The following SEMA5B variants were observed in gnomAD, a reference collection of about 807,000 sequenced individuals.
SEMA5B encodes the protein semaphorin-5B.
A neutral mutation model predicts 135.0 loss-of-function variants in SEMA5B; 66 were observed. The observed-to-expected ratio is 0.49, with a 90% CI of 0.40 to 0.60. The LOEUF is 0.60. Ranked by LOEUF, SEMA5B falls within the 20% of genes least tolerant of loss-of-function variation. The pLI, the probability that SEMA5B is intolerant of heterozygous loss-of-function variation, is 0.00. For missense variants in SEMA5B, 1,501 were observed against 1,566.3 expected (o/e 0.96, Z 0.70); for synonymous variants, 690 against 639.5 (o/e 1.08, Z -1.19).
intron 1 of SEMA5B, among the ~76,000 whole-genome samples, chr3:122,970,797 C>A (rs143142746): frequency 2.6e-5 from 4 of 152,194 alleles, no homozygotes; most frequent in Admixed American, 2.6e-4. Context: ...AATTCTGGGA[C>A]GGAAATCTAC....
chr3:122,921,062 G>A (rs11915592), intron 12 of SEMA5B, among the ~76,000 whole-genome samples: 77,399 of 151,936 alleles, frequency 0.51, 22,656 homozygotes, highest in Non-Finnish European at 0.67. Flanking sequence ...GCCCAGCTCC[G>A]AGCACACCCC....
intron 1 of SEMA5B, among the ~76,000 whole-genome samples, chr3:122,965,043 G>A (rs1940759010): frequency 6.6e-6 from 1 of 152,112 alleles, no homozygotes; most frequent in Non-Finnish European, 1.5e-5. Flanking sequence ...AGGACAGTAG[G>A]GTAGCTTTGT....
chr3:122,999,163 A>G (rs939076055), intron 1 of SEMA5B, among the ~76,000 whole-genome samples: 4 of 152,340 alleles, frequency 2.6e-5, no homozygotes, highest in Middle Eastern at 6.8e-3. Flanking sequence ...CATTTCCCAA[A>G]GCAGTAATTT....
intron 1 of SEMA5B, among the ~76,000 whole-genome samples, chr3:122,981,333 C>T (rs1289640230): frequency 7.9e-5 from 12 of 152,234 alleles, no homozygotes; most frequent in Non-Finnish European, 5.9e-5. Context: ...GACTGGGCAC[C>T]CCACTTTGGG....
Position 122,913,966 on chromosome 3 carries a change from A to G in SEMA5B, c.2024T>C (p.Leu675Pro). ...GCCGATGCCACAGGACGTGCTGCAC[A>G]GCGCCCACGATGACCACGGGGTCCA... ...GAWTPWSSWALCSTSCGIGFQ... is the reference protein window; with the variant it reads ...GAWTPWSSWAPCSTSCGIGFQ... Residue 675 changes from leucine to proline, a missense_variant, in exon 15 of 23, where the codon CTG (leucine) becomes CCG (proline). Coordinates refer to ENST00000357599, the MANE Select transcript of SEMA5B (RefSeq NM_001031702.4). 1 of 1,609,538 alleles carries G rather than the reference A, an allele frequency of 6.2e-7. No individual in the cohort carries two copies. The highest frequency in any genetic ancestry group is 8.5e-7 in the Non-Finnish European group (1 of 1,178,288).
intron 2 of SEMA5B, 112 bp downstream of exon 2, chr3:122,961,028 C>A: frequency 8.9e-7 from 1 of 1,119,772 alleles, no homozygotes; most frequent in Non-Finnish European, 1.3e-6. Flanking sequence ...ATACAGTGGA[C>A]TGAGGTCCTA....
At position 122,915,780 on chromosome 3, in the gene SEMA5B, G is replaced by A. The variant is rs769028193; in HGVS notation, c.1799C>T (p.Ala600Val). The stretch of plus-strand genomic sequence containing the variant: ...ACACAAGGGGATTCTCACAGGACAG[G>A]CGGTGATGTTCTGGGTCCAGAGGCT... ...NMSLWTQNIT[A>V]CPVRNVTRDG... Residue 600 changes from alanine (A) to valine (V), a missense_variant, in exon 13 of 23, where the codon GCC becomes GTC. Around this residue, in one of 2 missense-constraint regions of SEMA5B, gnomAD observed 927 missense variants for 881.6 expected, o/e 1.05. Coordinates refer to ENST00000357599, the MANE Select transcript of SEMA5B (RefSeq NM_001031702.4). 1.9e-6 allele frequency: 3 copies of A among 1,613,780 alleles called. No homozygotes were observed. In the African/African-American group the frequency reaches 4.0e-5, roughly 22 times the overall value.
At chr3:123,005,278 C>T (rs1044057050) in intron 1 of SEMA5B, among the ~76,000 whole-genome samples, 3 of 152,180 alleles carry the variant, frequency 2.0e-5, no homozygotes, top group Non-Finnish European at 4.4e-5. Context: ...GGACATCATG[C>T]CAGTTTTTAC....
intron 1 of SEMA5B, among the ~76,000 whole-genome samples, chr3:123,021,939 G>A (rs761783590): frequency 1.3e-5 from 2 of 152,100 alleles, no homozygotes; most frequent in African/African-American, 4.8e-5. Flanking sequence ...ACTGGCAGTC[G>A]GTCAGATGGG....
intron 1 of SEMA5B, among the ~76,000 whole-genome samples, chr3:123,003,325 C>T (rs7621170): frequency 2.0e-5 from 3 of 152,078 alleles, no homozygotes; most frequent in Non-Finnish European, 2.9e-5. Context: ...AGTTCATCCA[C>T]TCAGTATTTA....
intron 14 of SEMA5B, among the ~76,000 whole-genome samples, chr3:122,915,054 G>A (rs970612959): frequency 2.0e-5 from 3 of 152,178 alleles, no homozygotes; most frequent in Non-Finnish European, 4.4e-5. Context: ...TGGTTAGGTG[G>A]CTAGGCCACG....
At chr3:123,017,950 C>A (rs565536824) in intron 1 of SEMA5B, among the ~76,000 whole-genome samples, 70 of 152,080 alleles carry the variant, frequency 4.6e-4, no homozygotes, top group Non-Finnish European at 7.5e-4. Flanking sequence ...TTTGCTGGAC[C>A]CCAGACCAGC....
chr3:122,919,952 C>A (rs1938266932), intron 12 of SEMA5B, among the ~76,000 whole-genome samples: 1 of 152,134 alleles, frequency 6.6e-6, no homozygotes, highest in African/African-American at 2.4e-5. Context: ...GCAGGCCTCC[C>A]TAGCACACCC....
intron 1 of SEMA5B, among the ~76,000 whole-genome samples, chr3:123,021,544 T>C (rs1942676058): frequency 6.6e-6 from 1 of 152,218 alleles, no homozygotes; most frequent in Admixed American, 6.5e-5. Context: ...CTCTTTTGTA[T>C]TCCTAACAGG....
At chr3:122,966,563 A>ATTTTTTTTTTTTT (rs763448433) in intron 1 of SEMA5B, among the ~76,000 whole-genome samples, 2 of 115,074 alleles carry the variant, frequency 1.7e-5, no homozygotes, top group African/African-American at 8.0e-5. Context: ...TATTATTATT[A>ATTTTTTTTTTTTT]TTATTTTTTG....
chr3:122,969,639 C>T (rs1014490371), intron 1 of SEMA5B, among the ~76,000 whole-genome samples: 3 of 152,220 alleles, frequency 2.0e-5, no homozygotes, highest in African/African-American at 7.2e-5. Context: ...GTCACTCCAG[C>T]CTTCCTGGCA....
At chr3:122,976,072 T>A (rs1424374328) in intron 1 of SEMA5B, 2 of 1,535,182 alleles carry the variant, frequency 1.3e-6, no homozygotes, top group Admixed American at 2.0e-5. Flanking sequence ...TCTATGAAGC[T>A]CCTTCTGACC....
intron 1 of SEMA5B, among the ~76,000 whole-genome samples, chr3:122,963,459 C>T (rs1167645981): frequency 6.7e-6 from 1 of 149,608 alleles, no homozygotes; most frequent in East Asian, 1.9e-4. Context: ...TGCCATTGCA[C>T]TCCAGCCTGG....
At chr3:123,009,023 G>A (rs1425036844) in intron 1 of SEMA5B, among the ~76,000 whole-genome samples, 2 of 152,354 alleles carry the variant, frequency 1.3e-5, no homozygotes, top group African/African-American at 4.8e-5. Flanking sequence ...TCCCAGAGCA[G>A]CCTGCTCCAT....
Sources: gnomAD v4.1 joint callset for allele counts (sites outside exome capture counted in the v4.1 genomes callset) on GRCh38, gnomAD v4.1.1 for gene constraint, gnomAD v4.1.1 regional missense constraint, MANE v1.5 for transcripts, NCBI Gene and HGNC (gene_info 2026-07-23, HGNC 2026-07-21) for gene names.